The following AGAP1 variants were observed in gnomAD, a reference collection of about 807,000 sequenced individuals.
AGAP1 encodes the protein ArfGAP with GTPase domain, ankyrin repeat and PH domain 1.
Under a neutral mutation model 105.3 loss-of-function variants are expected in AGAP1, and 29 were observed. The observed-to-expected ratio is 0.28, with a 90% CI of 0.21 to 0.38. The LOEUF is 0.38. Among genes scored for constraint, AGAP1 ranks in the 10% least tolerant of loss-of-function variants. The pLI is 1.00. For missense variants in AGAP1, 998 were observed against 1,165.1 expected (o/e 0.86, Z 2.09); for synonymous variants, 509 against 485.9 (o/e 1.05, Z -0.63).
At chr2:235,923,743 C>T (rs1210011347) in intron 11 of AGAP1, among the ~76,000 whole-genome samples, 1 of 152,146 alleles carries the variant, frequency 6.6e-6, no homozygotes, top group Non-Finnish European at 1.5e-5. Context: ...TGGACAGTGC[C>T]GTCATTCCCA....
chr2:235,541,376 CTTTTTTTTTTTTT>C (rs556785424), intron 1 of AGAP1, among the ~76,000 whole-genome samples: 19,251 of 91,558 alleles, frequency 0.21, 1,448 homozygotes, highest in Middle Eastern at 0.39. Flanking sequence ...CATTCTTATT[CTTTTTTTTTTTTT>C]TTTTTTTTTT....
Position 235,712,854 on chromosome 2 carries a change from G to A in AGAP1, c.222+3617G>A, listed in dbSNP as rs936232537. ...TTGGTTTACTTCCAGCAGTCGCTCC[G>A]ACAGCTTCACGGGTGGCGTGACACA... On this transcript the variant is annotated intron_variant, in intron 2 of 17. Coordinates refer to ENST00000304032, the MANE Select transcript of AGAP1 (RefSeq NM_001037131.3). The surrounding 1 kb of genome is among the most constrained non-coding windows in gnomAD (Gnocchi z 6.0). Among the ~76,000 whole-genome samples the A allele has an allele frequency of 2.0e-5, 3 of 152,314 alleles. No homozygotes were observed. Among genetic ancestry groups the A allele is most frequent in the African/African-American group, 4.8e-5 (2 of 41,578 alleles).
intron 16 of AGAP1, among the ~76,000 whole-genome samples, chr2:236,057,303 T>G (rs1252698653): frequency 6.6e-6 from 1 of 152,172 alleles, no homozygotes; most frequent in Non-Finnish European, 1.5e-5. Flanking sequence ...GAGACAGGGT[T>G]TCAACGTGTT....
In AGAP1 at chr2:235,988,230, A is replaced by G. The variant is rs923370270; in HGVS notation, c.1645+19607A>G. On this transcript the variant is annotated intron_variant, in intron 13 of 17. Transcript: ENST00000304032. This position sits in a 1 kb window ranked among gnomAD's most constrained non-coding sequence, Gnocchi z 4.7. ...GCTAATTTTTGTGTTTTTAGTAGAG[A>G]CAGGGCTTCACCCTGTTGGCCAGGC... 2.0e-5 allele frequency among the ~76,000 whole-genome samples: 3 copies of G among 152,086 alleles called. No individual in the cohort carries two copies. The highest frequency in any genetic ancestry group is 7.2e-5 in the African/African-American group (3 of 41,404).
chr2:235,801,275 A>G lies in AGAP1; in HGVS notation c.957+1753A>G, dbSNP rs186185569. Among the ~76,000 whole-genome samples the G allele has an allele frequency of 2.0e-5, 3 of 152,148 alleles. No individual in the cohort carries two copies. The highest frequency in any genetic ancestry group is 2.9e-5 in the Non-Finnish European group (2 of 68,028). On this transcript the variant is annotated intron_variant, in intron 8 of 17. Transcript: ENST00000304032. This position sits in a 1 kb window ranked among gnomAD's most constrained non-coding sequence, Gnocchi z 6.0. ...ACTTGACCTCTCTGGGCTGGAAACC[A>G]TAGTACTTCTGCAGTGGGGCTTCCG...
At chr2:235,703,392 G>A (rs932679334) in intron 1 of AGAP1, among the ~76,000 whole-genome samples, 2 of 152,072 alleles carry the variant, frequency 1.3e-5, no homozygotes, top group African/African-American at 2.4e-5. Context: ...CCTGGGCAAC[G>A]GGACATCAAT....
intron 1 of AGAP1, among the ~76,000 whole-genome samples, chr2:235,641,726 T>C (rs1947204620): frequency 6.6e-6 from 1 of 152,252 alleles, no homozygotes; most frequent in South Asian, 2.1e-4. Context: ...ACTGGCATAA[T>C]GTTACCACAC....
chr2:235,729,549 C>T lies in AGAP1; in HGVS notation c.311-11414C>T, dbSNP rs1215684953. 1.3e-5 allele frequency among the ~76,000 whole-genome samples: 2 copies of T among 152,016 alleles called. No individual in the cohort carries two copies. The highest frequency in any genetic ancestry group is 2.4e-5 in the African/African-American group (1 of 41,354). On this transcript the variant is annotated intron_variant, in intron 3 of 17. Coordinates refer to ENST00000304032, the MANE Select transcript of AGAP1 (RefSeq NM_001037131.3). This position sits in a 1 kb window ranked among gnomAD's most constrained non-coding sequence, Gnocchi z 5.0. ...GCCACCTGTGGATGAGAGGCTGGAC[C>T]GGGTCTTGGTGCTTTCCAGCTCAGG...
At position 235,906,757 on chromosome 2, in the gene AGAP1, C is replaced by G. The variant is rs2051326477; in HGVS notation, c.1156-1981C>G. On this transcript the variant is annotated intron_variant, in intron 10 of 17. Coordinates refer to ENST00000304032, the MANE Select transcript of AGAP1 (RefSeq NM_001037131.3). This position sits in a 1 kb window ranked among gnomAD's most constrained non-coding sequence, Gnocchi z 5.3. ...AGGACCCACAGTTTCATTCCTTTCC[C>G]CTGAACTGGAATTGTGTACTTTGTG... is the stretch of plus-strand genomic sequence containing the variant. Among the ~76,000 whole-genome samples the G allele has an allele frequency of 6.6e-6, 1 of 152,200 alleles. No individual in the cohort carries two copies. Among genetic ancestry groups the G allele is most frequent in the African/African-American group, 2.4e-5 (1 of 41,434 alleles).
rs1167250227 is a variant in AGAP1 at position 235,551,397 on chromosome 2, C to G, written c.163+56548C>G. ...ATAGCTCACTGCAGCCTCAACCTCC[C>G]CAGGCTCAGGTCGTCCTCCCAGCTC... On this transcript the variant is annotated intron_variant, in intron 1 of 17. Coordinates refer to ENST00000304032, the MANE Select transcript of AGAP1 (RefSeq NM_001037131.3). This position sits in a 1 kb window ranked among gnomAD's most constrained non-coding sequence, Gnocchi z 4.8. 6.6e-6 allele frequency among the ~76,000 whole-genome samples: 1 copy of G among 152,108 alleles called. No individual in the cohort carries two copies. Among genetic ancestry groups the G allele is most frequent in the African/African-American group, 2.4e-5 (1 of 41,430 alleles).
Position 235,608,926 on chromosome 2 carries a change from C to T in AGAP1, c.164-100253C>T, listed in dbSNP as rs1946038480. The stretch of plus-strand genomic sequence containing the variant: ...CTTGTTCTTGACTTCCCCCCCATCC[C>T]TAATACCCCCAACTATGCAAATGAT... On this transcript the variant is annotated intron_variant, in intron 1 of 17. Transcript: ENST00000304032. The surrounding 1 kb of genome is among the most constrained non-coding windows in gnomAD (Gnocchi z 5.4). Among the ~76,000 whole-genome samples the T allele has an allele frequency of 6.6e-6, 1 of 151,920 alleles. No individual in the cohort carries two copies. Among genetic ancestry groups the T allele is most frequent in the Non-Finnish European group, 1.5e-5 (1 of 68,002 alleles).
intron 1 of AGAP1, among the ~76,000 whole-genome samples, chr2:235,647,046 G>T (rs1458729919): frequency 2.0e-5 from 3 of 151,418 alleles, no homozygotes; most frequent in Admixed American, 2.0e-4. Flanking sequence ...TGAGGCAGGA[G>T]AATGGCGTGA....
At chr2:235,880,340 A>G (rs1467189457) in intron 9 of AGAP1, among the ~76,000 whole-genome samples, 2 of 152,060 alleles carry the variant, frequency 1.3e-5, no homozygotes. Context: ...CGTGGCCAGC[A>G]TTTGTCTGAG....
intron 9 of AGAP1, among the ~76,000 whole-genome samples, chr2:235,850,419 TCCTTGGTCC>T (rs929479425): frequency 8.5e-5 from 13 of 152,358 alleles, no homozygotes; most frequent in African/African-American, 3.1e-4. Flanking sequence ...TGATGTGGTC[TCCTTGGTCC>T]CCTTGGTCCT....
At chr2:236,033,238 T>C (rs2057280204) in intron 13 of AGAP1, among the ~76,000 whole-genome samples, 1 of 151,932 alleles carries the variant, frequency 6.6e-6, no homozygotes, top group Non-Finnish European at 1.5e-5. Flanking sequence ...GGAGCGAAAC[T>C]CTGTCTCAAA....
rs182049210 is a variant in AGAP1, at chr2:235,959,475, G to A, written c.1484-8987G>A. Among the ~76,000 whole-genome samples the A allele has an allele frequency of 2.0e-4, 30 of 152,190 alleles. No individual in the cohort carries two copies. Among genetic ancestry groups the A allele is most frequent in the African/African-American group, 4.8e-4 (20 of 41,528 alleles). ...AGAAGCCAGGGGCATTCATATTCCC[G>A]TGGCCGAGCTCAGCGCCCAGTGGAC... On this transcript the variant is annotated intron_variant, in intron 12 of 17. Coordinates refer to ENST00000304032, the MANE Select transcript of AGAP1 (RefSeq NM_001037131.3). This position sits in a 1 kb window ranked among gnomAD's most constrained non-coding sequence, Gnocchi z 7.3.
At chr2:235,774,105 A>G (rs1227460750) in intron 6 of AGAP1, 10 of 409,548 alleles carry the variant, frequency 2.4e-5, no homozygotes, top group South Asian at 9.4e-5. Flanking sequence ...GCAATTAAAT[A>G]TCCAGATCTA....
intron 11 of AGAP1, among the ~76,000 whole-genome samples, chr2:235,915,475 G>A (rs2051829329): frequency 3.4e-5 from 2 of 59,006 alleles, no homozygotes; most frequent in South Asian, 6.4e-4. Flanking sequence ...AAGAGTTCAA[G>A]ACCGATTAAT....
chr2:235,576,256 A>G (rs1944729357), intron 1 of AGAP1, among the ~76,000 whole-genome samples: 1 of 152,170 alleles, frequency 6.6e-6, no homozygotes, highest in South Asian at 2.1e-4. Flanking sequence ...GTCTTTGTCC[A>G]GTTTGTCAGT....
Sources: allele counts gnomAD v4.1 joint callset (sites outside exome capture counted in the v4.1 genomes callset), GRCh38; gene constraint gnomAD v4.1.1; non-coding constraint Gnocchi (gnomAD v3.1); transcripts MANE v1.5; gene names NCBI Gene and HGNC (gene_info 2026-07-23, HGNC 2026-07-21).